Variants in ACVR1 observed in about 807,000 individuals in gnomAD.
ACVR1 encodes the protein activin receptor type-1.
ACVR1 carries 38 observed loss-of-function variants against 57.1 expected under a neutral mutation model. That is an observed-to-expected ratio of 0.67 (90% CI 0.51 to 0.87). The LOEUF (loss-of-function observed/expected upper bound fraction) is 0.87. Among genes scored for constraint, ACVR1 ranks in the 40% least tolerant of loss-of-function variants. The probability of loss-of-function intolerance (pLI) is 0.00; values close to 1 mark genes in which losing one functional copy is unlikely to be tolerated. For synonymous variants in ACVR1, 212 were observed against 228.1 expected, an observed-to-expected ratio of 0.93 and a Z score of 0.63; for missense variants, 463 against 638.2, an observed-to-expected ratio of 0.73 and a Z score of 2.96.
intron 8 of ACVR1, among the ~76,000 whole-genome samples, chr2:157,762,390 G>C (rs1331985581): frequency 6.6e-6 from 1 of 152,144 alleles, no homozygotes; most frequent in African/African-American, 2.4e-5. Context: ...AAAAAACATA[G>C]TATATATAGA....
chr2:157,812,612 TATACACAC>T (rs1463506968), intron 2 of ACVR1, among the ~76,000 whole-genome samples: 1 of 152,198 alleles, frequency 6.6e-6, no homozygotes, highest in African/African-American at 2.4e-5. Flanking sequence ...GTTACAAATA[TATACACAC>T]ATACACATAC....
At chr2:157,859,239 T>A (rs1198318826) in intron 1 of ACVR1, among the ~76,000 whole-genome samples, 1 of 152,180 alleles carries the variant, frequency 6.6e-6, no homozygotes, top group Non-Finnish European at 1.5e-5. Context: ...AAAACCAAGA[T>A]GGTGACGAGA....
intron 1 of ACVR1, among the ~76,000 whole-genome samples, chr2:157,845,894 C>T (rs1304430530): frequency 6.6e-6 from 1 of 152,164 alleles, no homozygotes; most frequent in Non-Finnish European, 1.5e-5. Context: ...GTACAATGTG[C>T]TGTTTTAGAA....
chr2:157,851,082 CA>C lies in ACVR1; in HGVS notation c.-183+24713del, dbSNP rs1253155055. Among the ~76,000 whole-genome samples the C allele has an allele frequency of 5.3e-5, 8 of 152,172 alleles. No homozygotes were observed. The East Asian group carries it at 1.4e-3, about 26-fold the overall frequency. ...TTACTACATTCAAAGGGTGCTATTT[CA>C]AAAAACCCATATCTTCCCTAAAATG... On this transcript the variant is annotated intron_variant, in intron 1 of 10. Coordinates refer to ENST00000434821, the MANE Select transcript of ACVR1 (RefSeq NM_001111067.4).
At position 157,823,101 on chromosome 2, in the gene ACVR1, G is replaced by A. The variant is rs180934656; in HGVS notation, c.-182-4542C>T. Among the ~76,000 whole-genome samples the A allele has an allele frequency of 6.7e-4, 102 of 152,302 alleles. 3 individuals are homozygous for A. In the South Asian group the frequency reaches 0.017, roughly 26 times the overall value. On this transcript the variant is annotated intron_variant, in intron 1 of 10. Coordinates refer to ENST00000434821, the MANE Select transcript of ACVR1 (RefSeq NM_001111067.4). Reference sequence around the variant, plus strand: ...GACACATTTCTAACATGGCAACGGCGAGAAGAAATCATGACCCATTCTCTC... The same window carrying A: ...GACACATTTCTAACATGGCAACGGCAAGAAGAAATCATGACCCATTCTCTC...
intron 1 of ACVR1, among the ~76,000 whole-genome samples, chr2:157,846,091 G>A (rs1020277924): frequency 1.3e-5 from 2 of 152,136 alleles, no homozygotes; most frequent in African/African-American, 4.8e-5. Flanking sequence ...TTTGAGATGA[G>A]GCGATTATCC....
chr2:157,811,958 C>T lies in ACVR1; in HGVS notation c.-8+6427G>A, dbSNP rs182539085. On this transcript the variant is annotated intron_variant, in intron 2 of 10. Coordinates refer to ENST00000434821, the MANE Select transcript of ACVR1 (RefSeq NM_001111067.4). ...AAGTACCTATGAAGTATTCTATCAC[C>T]CCGTTGTGTTTGAGGACTAGAATTT... 7.6e-4 allele frequency among the ~76,000 whole-genome samples: 116 copies of T among 152,146 alleles called. 2 individuals carry two copies. The East Asian group carries it at 0.015, about 19-fold the overall frequency.
At chr2:157,797,160 T>C (rs1339545999) in intron 3 of ACVR1, among the ~76,000 whole-genome samples, 4 of 152,230 alleles carry the variant, frequency 2.6e-5, no homozygotes, top group Admixed American at 2.6e-4. Flanking sequence ...AAATGCTATA[T>C]GTGACTATCA....
At chr2:157,756,749 T>C (rs1685439877) in intron 9 of ACVR1, among the ~76,000 whole-genome samples, 1 of 151,670 alleles carries the variant, frequency 6.6e-6, no homozygotes, top group Non-Finnish European at 1.5e-5. Flanking sequence ...ACACTGGAGA[T>C]TCCTTAAAGA....
At chr2:157,845,415 G>C (rs1293866373) in intron 1 of ACVR1, among the ~76,000 whole-genome samples, 5 of 152,198 alleles carry the variant, frequency 3.3e-5, no homozygotes, top group African/African-American at 9.6e-5. Context: ...ATGTGAAGAT[G>C]AAGGTACACA....
At chr2:157,756,666 G>C (rs1386443685) in intron 9 of ACVR1, among the ~76,000 whole-genome samples, 1 of 151,934 alleles carries the variant, frequency 6.6e-6, no homozygotes. Context: ...ACAGATGTTG[G>C]CGTGGATGCG....
intron 1 of ACVR1, among the ~76,000 whole-genome samples, chr2:157,829,553 ACATCTCCAACATCATCGAGTTAT>A (rs1406610322): frequency 6.6e-6 from 1 of 152,212 alleles, no homozygotes; most frequent in Non-Finnish European, 1.5e-5. Flanking sequence ...CTGGCCCCAG[ACATCTCCAACATCATCGAGTTAT>A]CATCTCATAG....
chr2:157,836,713 G>A lies in ACVR1; in HGVS notation c.-182-18154C>T, dbSNP rs191605242. Reference sequence around the variant, plus strand: ...TAGCACTGAGTCCCCAGTCCCTACCGGGGTGCCTGACACAGTGAGCACACT... The same window carrying A: ...TAGCACTGAGTCCCCAGTCCCTACCAGGGTGCCTGACACAGTGAGCACACT... On this transcript the variant is annotated intron_variant, in intron 1 of 10. Transcript: ENST00000434821. Among the ~76,000 whole-genome samples, 18 of 152,174 alleles carry A rather than the reference G, an allele frequency of 1.2e-4. No individual in the cohort carries two copies. The East Asian group carries it at 3.1e-3, about 26-fold the overall frequency.
intron 3 of ACVR1, among the ~76,000 whole-genome samples, chr2:157,796,274 G>A (rs1447436012): frequency 1.6e-4 from 25 of 151,706 alleles, no homozygotes; most frequent in South Asian, 6.3e-4. Context: ...ATCGATAGCC[G>A]GCCAAGGTGG....
chr2:157,804,890 T>G (rs1687461631), intron 2 of ACVR1, among the ~76,000 whole-genome samples: 1 of 152,208 alleles, frequency 6.6e-6, no homozygotes, highest in African/African-American at 2.4e-5. Context: ...TGTATGTAGT[T>G]AAGAAGCTAG....
At chr2:157,772,720 A>G (rs1438145201) in intron 6 of ACVR1, among the ~76,000 whole-genome samples, 1 of 152,236 alleles carries the variant, frequency 6.6e-6, no homozygotes, top group African/African-American at 2.4e-5. Context: ...TCATAATCAA[A>G]TAAGATACTA....
Position 157,770,439 on chromosome 2 carries a change from C to T in ACVR1, c.719G>A (p.Arg240His). The T allele has an allele frequency of 1.2e-6, 2 of 1,614,014 alleles. No individual in the cohort carries two copies. Among genetic ancestry groups the T allele is most frequent in the South Asian group, 1.1e-5 (1 of 91,080 alleles). ...ENVAVKIFSS[R>H]DEKSWFRETE... is the part of the protein sequence containing the mutation. ...TTCCCTGAACCATGACTTCTCATCA[C>T]GGGAGGAGAAGATCTTCACGGCAAC... The change falls in exon 7 of 11, where the codon CGT (arginine) becomes CAT (histidine). Residue 240 changes from arginine (R) to histidine (H), a missense_variant. Coordinates refer to ENST00000434821, the MANE Select transcript of ACVR1 (RefSeq NM_001111067.4).
intron 2 of ACVR1, among the ~76,000 whole-genome samples, chr2:157,809,682 T>A (rs1253181680): frequency 6.6e-6 from 1 of 151,928 alleles, no homozygotes; most frequent in African/African-American, 2.4e-5. Context: ...CTCTATGAAG[T>A]AGGGAGAAAG....
intron 1 of ACVR1, among the ~76,000 whole-genome samples, chr2:157,846,303 G>C (rs1433435470): frequency 6.6e-6 from 1 of 152,202 alleles, no homozygotes; most frequent in Non-Finnish European, 1.5e-5. Context: ...AAGTAAATTT[G>C]TGCTGTTTCA....
Sources: gnomAD v4.1 joint callset for allele counts (sites outside exome capture counted in the v4.1 genomes callset) on GRCh38, gnomAD v4.1.1 for gene constraint, MANE v1.5 for transcripts, NCBI Gene and HGNC (gene_info 2026-07-23, HGNC 2026-07-21) for gene names.